GRIA4: variants seen among roughly 807,000 people sequenced by gnomAD.
The protein encoded by GRIA4 is glutamate receptor 4.
A neutral mutation model predicts 104.0 loss-of-function variants in GRIA4; 34 were observed. The ratio of observed to expected loss-of-function variants is 0.33; its 90% confidence interval spans 0.25 to 0.44. The LOEUF (loss-of-function observed/expected upper bound fraction) is 0.44, where lower values mean the gene tolerates loss of function less well. Ranked by LOEUF, GRIA4 falls within the 20% of genes least tolerant of loss-of-function variation. The pLI, the probability that GRIA4 is intolerant of heterozygous loss-of-function variation, is 1.00. For missense variants in GRIA4, 750 were observed against 1,096.5 expected (o/e 0.68, Z 4.46); for synonymous variants, 386 against 381.9 (o/e 1.01, Z -0.13).
intron 4 of GRIA4, among the ~76,000 whole-genome samples, chr11:105,771,350 C>T (rs1245990613): frequency 1.3e-5 from 2 of 151,996 alleles, no homozygotes; most frequent in Non-Finnish European, 2.9e-5. Context: ...TGCCTTATAT[C>T]CCTGACCGTA....
chr11:105,835,069 C>T (rs1944126099), intron 4 of GRIA4, among the ~76,000 whole-genome samples: 1 of 151,862 alleles, frequency 6.6e-6, no homozygotes, highest in African/African-American at 2.4e-5. Flanking sequence ...TTGAAATTCC[C>T]AAAGAGCTGA....
Position 105,753,238 on chromosome 11 carries a change from AT to A in GRIA4, c.487+19del. On this transcript the variant is annotated intron_variant, in intron 4 of 16. Coordinates refer to ENST00000282499, the MANE Select transcript of GRIA4 (RefSeq NM_000829.4). ...AGACAGGGGTAAGTCCAGTTTCTTC[AT>A]CTATTAGAGCAAAACTCTAATTTTC... is the stretch of plus-strand genomic sequence containing the variant. The A allele has an allele frequency of 6.2e-7, 1 of 1,611,394 alleles. No homozygotes were observed. Among genetic ancestry groups the A allele is most frequent in the Non-Finnish European group, 8.5e-7 (1 of 1,177,688 alleles).
chr11:105,713,158 G>A (rs1377036809), intron 3 of GRIA4, among the ~76,000 whole-genome samples: 1 of 152,078 alleles, frequency 6.6e-6, no homozygotes, highest in African/African-American at 2.4e-5. Flanking sequence ...TTAGGCAGGT[G>A]GATCACTTGA....
At chr11:105,676,451 T>C (rs1431323111) in intron 3 of GRIA4, among the ~76,000 whole-genome samples, 1 of 151,672 alleles carries the variant, frequency 6.6e-6, no homozygotes, top group Admixed American at 6.6e-5. Flanking sequence ...CTCTGCAACA[T>C]TTGAAGGACT....
chr11:105,752,009 G>A (rs1422818969), intron 3 of GRIA4, among the ~76,000 whole-genome samples: 1 of 152,154 alleles, frequency 6.6e-6, no homozygotes, highest in Non-Finnish European at 1.5e-5. Context: ...AATCCAAATA[G>A]ATTTTCTTTA....
At chr11:105,692,331 G>A (rs1184012406) in intron 3 of GRIA4, among the ~76,000 whole-genome samples, 2 of 151,854 alleles carry the variant, frequency 1.3e-5, no homozygotes, top group African/African-American at 4.8e-5. Context: ...ATTATTTAGC[G>A]TGCTTACATT....
intron 3 of GRIA4, among the ~76,000 whole-genome samples, chr11:105,642,952 G>C (rs982054956): frequency 6.6e-6 from 1 of 152,114 alleles, no homozygotes; most frequent in African/African-American, 2.4e-5. Flanking sequence ...GAAACTTACA[G>C]TCATGGCAAA....
At chr11:105,911,171 T>C (rs1292854661) in intron 10 of GRIA4, among the ~76,000 whole-genome samples, 1 of 152,136 alleles carries the variant, frequency 6.6e-6, no homozygotes, top group Non-Finnish European at 1.5e-5. Flanking sequence ...GTACACATTA[T>C]AGTTTATTGA....
rs532775213 is a variant in GRIA4, at chr11:105,662,447, A to G, written c.247+50013A>G. ...CATGGAAACAGATACAGAGGAAAAA[A>G]CACTGTTAGTCTTTGGTGGGGAGAA... On this transcript the variant is annotated intron_variant, in intron 3 of 16. Transcript: ENST00000282499. Among the ~76,000 whole-genome samples the G allele has an allele frequency of 1.4e-3, 215 of 151,902 alleles. 2 individuals are homozygous for G. Among genetic ancestry groups the G allele is most frequent in the Admixed American group, 5.1e-3 (78 of 15,206 alleles).
chr11:105,898,444 A>G lies in GRIA4; in HGVS notation c.885+17A>G. 7.1e-7 allele frequency: 1 copy of G among 1,403,248 alleles called. No homozygotes were observed. The highest frequency in any genetic ancestry group is 1.0e-6 in the Non-Finnish European group (1 of 995,510). 86.9% of individuals were successfully genotyped at this position (1,403,248 alleles called of 1,614,324 possible). A position where few individuals can be genotyped will look rare whatever the true frequency, so the allele number is the denominator to read the frequency against. On this transcript the variant is annotated intron_variant, in intron 7 of 16. Transcript: ENST00000282499. Reference sequence around the variant, plus strand: ...CCTCCAAAGGTATTTGTTTATTTTTATCTACTGTATTACTGATAGTTTCAA... The same window carrying G: ...CCTCCAAAGGTATTTGTTTATTTTTGTCTACTGTATTACTGATAGTTTCAA...
chr11:105,860,203 G>A (rs928881003), intron 4 of GRIA4, among the ~76,000 whole-genome samples: 1 of 151,950 alleles, frequency 6.6e-6, no homozygotes, highest in Non-Finnish European at 1.5e-5. Context: ...TCATTTGGCA[G>A]GATATCAGAT....
intron 4 of GRIA4, among the ~76,000 whole-genome samples, chr11:105,817,242 T>A (rs1943415568): frequency 6.6e-6 from 1 of 151,292 alleles, no homozygotes; most frequent in South Asian, 2.1e-4. Flanking sequence ...TTTCTCAAAC[T>A]TACTCAGTGA....
At chr11:105,861,171 T>C (rs189096566) in intron 4 of GRIA4, among the ~76,000 whole-genome samples, 3 of 152,122 alleles carry the variant, frequency 2.0e-5, no homozygotes, top group Non-Finnish European at 4.4e-5. Flanking sequence ...TATTCTCTCA[T>C]GGCAGGCTGT....
chr11:105,783,953 A>C (rs780669086), intron 4 of GRIA4, among the ~76,000 whole-genome samples: 1 of 152,194 alleles, frequency 6.6e-6, no homozygotes, highest in Non-Finnish European at 1.5e-5. Context: ...AATGTAACCG[A>C]ATTATTAGAC....
At chr11:105,771,263 C>T (rs1941195795) in intron 4 of GRIA4, among the ~76,000 whole-genome samples, 3 of 152,036 alleles carry the variant, frequency 2.0e-5, no homozygotes, top group Admixed American at 2.0e-4. Flanking sequence ...AACTAACCTT[C>T]CTTTGTCCAA....
intron 4 of GRIA4, among the ~76,000 whole-genome samples, chr11:105,820,041 C>T (rs912167662): frequency 5.9e-5 from 9 of 151,972 alleles, no homozygotes; most frequent in South Asian, 2.1e-4. Context: ...ACAAAGATTG[C>T]GGGAAAACCA....
intron 4 of GRIA4, among the ~76,000 whole-genome samples, chr11:105,856,638 C>T (rs1481439541): frequency 6.6e-6 from 1 of 151,990 alleles, no homozygotes; most frequent in Non-Finnish European, 1.5e-5. Context: ...AGTTAAAATC[C>T]CACTGCTTTG....
At chr11:105,700,430 A>G (rs950258811) in intron 3 of GRIA4, among the ~76,000 whole-genome samples, 5 of 152,154 alleles carry the variant, frequency 3.3e-5, no homozygotes, top group African/African-American at 1.2e-4. Flanking sequence ...AGTAGTTCCA[A>G]TCCCATGTGG....
At chr11:105,610,838 C>G (rs1950452431) in intron 1 of GRIA4, 70 bp from the exon 2 acceptor site, 1 of 601,048 alleles carries the variant, frequency 1.7e-6, no homozygotes, top group South Asian at 2.1e-5. Context: ...ACCGAAACCT[C>G]TTTCCTTTTT....
Sources: allele counts gnomAD v4.1 joint callset (sites outside exome capture counted in the v4.1 genomes callset), GRCh38; gene constraint gnomAD v4.1.1; transcripts MANE v1.5; gene names NCBI Gene and HGNC (gene_info 2026-07-23, HGNC 2026-07-21).